The following ADAMTS9 variants were observed in gnomAD, a reference collection of about 807,000 sequenced individuals.
The protein encoded by ADAMTS9 is ADAM metallopeptidase with thrombospondin type 1 motif 9.
Under a neutral mutation model 257.1 loss-of-function variants are expected in ADAMTS9, and 107 were observed. The ratio of observed to expected loss-of-function variants is 0.42; its 90% confidence interval spans 0.36 to 0.49. The LOEUF is 0.49. Ranked by LOEUF, ADAMTS9 falls within the 20% of genes least tolerant of loss-of-function variation. The probability of loss-of-function intolerance (pLI) is 0.03; values close to 1 mark genes in which losing one functional copy is unlikely to be tolerated. For synonymous variants in ADAMTS9, 982 were observed against 880.9 expected (o/e 1.11, Z -2.03); for missense variants, 2,353 against 2,469.1 (o/e 0.95, Z 1.00).
intron 39 of ADAMTS9, among the ~76,000 whole-genome samples, chr3:64,517,416 G>GTTTTTTTTTTTGTTTTTTTT (rs2082789722): frequency 1.9e-5 from 1 of 52,638 alleles, no homozygotes; most frequent in African/African-American, 5.3e-5. Flanking sequence ...ATTAAAAATG[G>GTTTTTTTTTTTGTTTTTTTT]TTTTTTTTTT....
In ADAMTS9 at chr3:64,654,420, T is replaced by C; in HGVS notation, c.1249A>G (p.Ser417Gly). Residue 417 changes from serine to glycine, a missense_variant, in exon 8 of 40, where the codon AGC becomes GGC. Transcript: ENST00000498707. ...ELGTICDPYR[S>G]CSISEDSGLS... ...CCACTATCTTCACTAATAGAACAGC[T>C]TCTATAGGGATCACAAATGGTTCCC... The C allele has an allele frequency of 1.2e-6, 2 of 1,614,140 alleles. No homozygotes were observed. The highest frequency in any genetic ancestry group is 1.7e-6 in the Non-Finnish European group (2 of 1,180,026).
intron 39 of ADAMTS9, among the ~76,000 whole-genome samples, chr3:64,518,760 TTTCA>T (rs2082813171): frequency 7.1e-6 from 1 of 140,210 alleles, no homozygotes; most frequent in Non-Finnish European, 1.5e-5. Flanking sequence ...ATCATTACCT[TTTCA>T]TTTTTTTTTT....
chr3:64,683,458 C>A (rs1039043590), intron 2 of ADAMTS9, among the ~76,000 whole-genome samples: 2 of 152,280 alleles, frequency 1.3e-5, no homozygotes, highest in South Asian at 4.1e-4. Flanking sequence ...GGTTGAAATC[C>A]CAGCGCTGCC....
At chr3:64,642,038 G>A in intron 11 of ADAMTS9, 45 bp from the exon 12 acceptor site, 1 of 1,607,842 alleles carries the variant, frequency 6.2e-7, no homozygotes, top group African/African-American at 1.3e-5. Context: ...GGCGCTGTGA[G>A]TTGTTACAGG....
At chr3:64,594,001 GTA>G (rs57516707) in intron 28 of ADAMTS9, among the ~76,000 whole-genome samples, 1,938 of 144,300 alleles carry the variant, frequency 0.013, 34 homozygotes, top group African/African-American at 0.047. Flanking sequence ...GTGTGTGTGT[GTA>G]TTTAGGCTAA....
intron 3 of ADAMTS9, among the ~76,000 whole-genome samples, chr3:64,662,453 T>C (rs1184815010): frequency 6.6e-6 from 1 of 152,152 alleles, no homozygotes; most frequent in Non-Finnish European, 1.5e-5. Context: ...TACTTCCTTG[T>C]CAATCTTCTG....
chr3:64,535,640 G>C (rs145104898), intron 37 of ADAMTS9, among the ~76,000 whole-genome samples: 2,516 of 145,360 alleles, frequency 0.017, 57 homozygotes, highest in East Asian at 0.079. Context: ...TGCAACCTCT[G>C]CCTCCCGGGT....
chr3:64,610,981 C>A (rs995579686), intron 22 of ADAMTS9, among the ~76,000 whole-genome samples: 1 of 146,950 alleles, frequency 6.8e-6, no homozygotes, highest in Non-Finnish European at 1.5e-5. Context: ...GAGGCTGAGG[C>A]AGGAGAATCG....
chr3:64,554,048 T>C lies in ADAMTS9; in HGVS notation c.4699-2986A>G, dbSNP rs559530812. On this transcript the variant is annotated intron_variant, in intron 30 of 39. Coordinates refer to ENST00000498707, the MANE Select transcript of ADAMTS9 (RefSeq NM_182920.2). ...ATTCCTTAGAAAATTAGGACTTAGGTGACTCTGAGAAGATCCTAATTATTG... is the reference window on the plus strand; with the variant it reads ...ATTCCTTAGAAAATTAGGACTTAGGCGACTCTGAGAAGATCCTAATTATTG... Among the ~76,000 whole-genome samples, 108 of 152,316 alleles carry C rather than the reference T, an allele frequency of 7.1e-4. 1 individual carries two copies. The highest frequency in any genetic ancestry group is 2.5e-3 in the African/African-American group (103 of 41,576).
chr3:64,550,822 C>T (rs770973881), intron 31 of ADAMTS9, 70 bp downstream of exon 31: 9 of 1,585,274 alleles, frequency 5.7e-6, no homozygotes, highest in South Asian at 3.4e-5. Flanking sequence ...GCACTCATCC[C>T]TCCACTCATC....
chr3:64,529,258 T>G (rs1458062165), intron 38 of ADAMTS9, among the ~76,000 whole-genome samples: 1 of 152,220 alleles, frequency 6.6e-6, no homozygotes, highest in African/African-American at 2.4e-5. Context: ...AACTTGATAT[T>G]GAGACTGATT....
chr3:64,610,869 G>A (rs921043451), intron 22 of ADAMTS9, among the ~76,000 whole-genome samples: 3 of 151,980 alleles, frequency 2.0e-5, no homozygotes, highest in Non-Finnish European at 4.4e-5. Context: ...GAGGTCAGGA[G>A]ATAGAGACCA....
chr3:64,523,749 AT>A (rs1031232949), intron 38 of ADAMTS9, among the ~76,000 whole-genome samples: 14 of 152,050 alleles, frequency 9.2e-5, no homozygotes, highest in Admixed American at 4.6e-4. Context: ...CATTTTGTGA[AT>A]TTTTTTGTCA....
At chr3:64,671,559 C>T (rs1701488233) in intron 3 of ADAMTS9, among the ~76,000 whole-genome samples, 1 of 152,052 alleles carries the variant, frequency 6.6e-6, no homozygotes, top group Non-Finnish European at 1.5e-5. Flanking sequence ...AAGCCAATAA[C>T]ATTAACTTGA....
chr3:64,633,930 C>T (rs775464441), intron 12 of ADAMTS9, 51 bp from the exon 13 acceptor site: 1 of 1,478,228 alleles, frequency 6.8e-7, no homozygotes, highest in Non-Finnish European at 9.3e-7. Flanking sequence ...TCATGTATTC[C>T]TCTGAACATC....
At chr3:64,545,888 G>A (rs1053236281) in intron 32 of ADAMTS9, among the ~76,000 whole-genome samples, 1 of 152,152 alleles carries the variant, frequency 6.6e-6, no homozygotes, top group African/African-American at 2.4e-5. Flanking sequence ...GAGCTACCAT[G>A]CCTGGCTGCC....
chr3:64,612,250 T>G (rs2084678325), intron 22 of ADAMTS9, among the ~76,000 whole-genome samples: 1 of 152,166 alleles, frequency 6.6e-6, no homozygotes, highest in Non-Finnish European at 1.5e-5. Context: ...AATGGCCTGG[T>G]GTAGAGACAG....
rs768954204 is a variant in ADAMTS9 at position 64,533,173 on chromosome 3, T to A, written c.5711A>T (p.Lys1904Met). ...QGNYAVSDIK[K>M]SPDGTRVVGK... ...CCATCTGTAGAACCTTACCGGCGAC[T>A]TCTTGATGTCAGAGACAGCATAATT... Residue 1904 changes from lysine to methionine, a missense_variant, in exon 38 of 40, where the codon AAG becomes ATG. Coordinates refer to ENST00000498707, the MANE Select transcript of ADAMTS9 (RefSeq NM_182920.2). The A allele has an allele frequency of 6.2e-7, 1 of 1,613,288 alleles. No individual in the cohort carries two copies. The highest frequency in any genetic ancestry group is 1.3e-5 in the African/African-American group (1 of 74,926).
chr3:64,537,357 A>T (rs576037062), intron 37 of ADAMTS9, among the ~76,000 whole-genome samples: 9 of 152,234 alleles, frequency 5.9e-5, no homozygotes, highest in African/African-American at 1.9e-4. Flanking sequence ...AAAAGGCAGG[A>T]CAGGGCCAAT....
Sources: allele counts gnomAD v4.1 joint callset (sites outside exome capture counted in the v4.1 genomes callset), GRCh38; gene constraint gnomAD v4.1.1; transcripts MANE v1.5; gene names NCBI Gene and HGNC (gene_info 2026-07-23, HGNC 2026-07-21).